Variants in RPL35A observed in about 807,000 individuals in gnomAD.
RPL35A encodes ribosomal protein L35a.
RPL35A carries 1 observed loss-of-function variant against 16.7 expected under a neutral mutation model. The observed-to-expected ratio is 0.06, with a 90% confidence interval of 0.02 to 0.28. RPL35A has a LOEUF of 0.28. RPL35A is among the 10% of genes least tolerant of loss of function. The pLI is 1.00. For synonymous variants in RPL35A, 58 were observed against 47.0 expected, an observed-to-expected ratio of 1.23 and a Z score of -0.96; for missense variants, 91 against 138.7, an observed-to-expected ratio of 0.66 and a Z score of 1.73.
At chr3:197,954,540 C>T in intron 4 of RPL35A, 1 of 326,138 alleles carries the variant, frequency 3.1e-6, no homozygotes, top group South Asian at 2.5e-5. Flanking sequence ...GACAAGGTCT[C>T]ACTTTGTCAC....
chr3:197,955,832 A>G lies in RPL35A; in HGVS notation c.*59A>G. 1 of 1,373,778 alleles carries G rather than the reference A, an allele frequency of 7.3e-7. No homozygotes were observed. The highest frequency in any genetic ancestry group is 1.0e-6 in the Non-Finnish European group (1 of 963,732). The allele number at this position is 1,373,778 out of a possible 1,614,324, so 85.1% of individuals were successfully genotyped here. On this transcript the variant is annotated 3_prime_UTR_variant, in exon 5 of 5. Transcript: ENST00000647248. ...GTGCTCTTGTATTTTTAAGTGGATT[A>G]AAAAACTTACTACCTTAAATTGATT... is the stretch of plus-strand genomic sequence containing the variant.
At chr3:197,955,657 T>C in intron 4 of RPL35A, 93 bp from the exon 5 acceptor site, 2 of 1,114,978 alleles carry the variant, frequency 1.8e-6, no homozygotes, top group East Asian at 2.3e-5. Context: ...ATGTAATTGG[T>C]AGCCTTTCAG....
chr3:197,951,094 G>A (rs1238878998), intron 2 of RPL35A, 65 bp from the exon 3 acceptor site: 4 of 1,608,138 alleles, frequency 2.5e-6, no homozygotes, highest in East Asian at 4.5e-5. Context: ...TTGGGTGGGG[G>A]TGATTACAAG....
intron 4 of RPL35A, chr3:197,954,522 T>G: frequency 5.9e-6 from 2 of 337,012 alleles, no homozygotes; most frequent in Non-Finnish European, 1.1e-5. Flanking sequence ...TTTGTTGTGT[T>G]TTTTTGAGAC....
chr3:197,951,705 T>A (rs1429820041), intron 3 of RPL35A: 1 of 223,730 alleles, frequency 4.5e-6, no homozygotes, highest in African/African-American at 2.3e-5. Context: ...TACTTGGTAT[T>A]GTTTTTTTGT....
Position 197,950,793 on chromosome 3 carries a change from T to C in RPL35A, c.-32-143T>C. The C allele has an allele frequency of 7.2e-6, 5 of 695,082 alleles. No homozygotes were observed. In the Admixed American group the frequency reaches 7.9e-5, roughly 11 times the overall value. The allele number at this position is 695,082 out of a possible 1,614,324, so 43.1% of individuals were successfully genotyped here. A position where few individuals can be genotyped will look rare whatever the true frequency, so the allele number is the denominator to read the frequency against. ...GTCTTGCCGGACCCTGCGTTTCATA[T>C]GGATGTTCTGGCATTGTTGTCCCCG... On this transcript the variant is annotated intron_variant, in intron 1 of 4. Coordinates refer to ENST00000647248, the MANE Select transcript of RPL35A (RefSeq NM_000996.4).
rs140946061 is a variant in RPL35A, at chr3:197,955,956, T to C, written c.*183T>C. The C allele has an allele frequency of 2.3e-4, 142 of 615,704 alleles. No individual in the cohort carries two copies. The East Asian group carries it at 3.9e-3, about 17-fold the overall frequency. The allele number at this position is 615,704 out of a possible 1,614,324, so 38.1% of individuals were successfully genotyped here. On this transcript the variant is annotated 3_prime_UTR_variant, in exon 5 of 5. Transcript: ENST00000647248. ...AAATTACAGGGCGAGTACAGAGATT[T>C]AGAAGGGAACGGGTTTTAATGCGAG...
rs769775044 is a variant in RPL35A, at chr3:197,951,204, G to T, written c.57G>T (p.Arg19=). The stretch of plus-strand genomic sequence containing the variant: ...TTGCTGGCTATAAGCGGGGTCTCCG[G>T]AACCAAAGGGAGCACACAGCTCTTC... ...AIFAGYKRGL[R]NQREHTALLK... Residue 19 remains arginine (R), a synonymous_variant, in exon 3 of 5, where the codon CGG becomes CGT. Coordinates refer to ENST00000647248, the MANE Select transcript of RPL35A (RefSeq NM_000996.4). 1 of 1,614,028 alleles carries T rather than the reference G, an allele frequency of 6.2e-7. No homozygotes were observed. Among genetic ancestry groups the T allele is most frequent in the African/African-American group, 1.3e-5 (1 of 74,910 alleles).
At chr3:197,950,449 G>C in intron 1 of RPL35A, 3 of 605,700 alleles carry the variant, frequency 5.0e-6, no homozygotes, top group Non-Finnish European at 6.8e-6. Context: ...TCCTGGGCCT[G>C]AACGGAGTGA....
At position 197,955,917 on chromosome 3, in the gene RPL35A, G is replaced by A. The variant is rs1269351830; in HGVS notation, c.*144G>A. 4 of 712,618 alleles carry A rather than the reference G, an allele frequency of 5.6e-6. No homozygotes were observed. The highest frequency in any genetic ancestry group is 2.6e-5 in the East Asian group (1 of 38,600). The allele number at this position is 712,618 out of a possible 1,614,324, so 44.1% of individuals were successfully genotyped here. On this transcript the variant is annotated 3_prime_UTR_variant, in exon 5 of 5. Transcript: ENST00000647248. ...ATTTTTGGAGTACAAGGGGGTCAGA[G>A]AGACATGTGATGAAAATTACAGGGC...
At chr3:197,952,173 T>G (rs1004183180) in intron 3 of RPL35A, among the ~76,000 whole-genome samples, 27 of 136,174 alleles carry the variant, frequency 2.0e-4, no homozygotes, top group African/African-American at 6.0e-4. Flanking sequence ...TTTTTTTTTT[T>G]TTTTTTTTTT....
chr3:197,955,273 CTTT>C (rs34024853), intron 4 of RPL35A, among the ~76,000 whole-genome samples: 1 of 143,874 alleles, frequency 7.0e-6, no homozygotes, highest in Non-Finnish European at 1.5e-5. Context: ...TTTTCTTTTT[CTTT>C]TTTTTTTTTT....
chr3:197,951,543 G>A, intron 3 of RPL35A: 1 of 503,878 alleles, frequency 2.0e-6, no homozygotes, highest in Non-Finnish European at 3.6e-6. Context: ...AGTAGAGACA[G>A]GGTATTGCCA....
intron 3 of RPL35A, chr3:197,951,530 A>G: frequency 1.9e-6 from 1 of 520,316 alleles, no homozygotes; most frequent in Non-Finnish European, 3.4e-6. Context: ...TTTTTGTATT[A>G]TTAGTAGAGA....
Position 197,950,844 on chromosome 3 carries a change from A to G in RPL35A, c.-32-92A>G, listed in dbSNP as rs552812197. 48 of 1,185,044 alleles carry G rather than the reference A, an allele frequency of 4.1e-5. No individual in the cohort carries two copies. The African/African-American group carries it at 5.9e-4, about 15-fold the overall frequency. The allele number at this position is 1,185,044 out of a possible 1,614,324, so 73.4% of individuals were successfully genotyped here. A position where few individuals can be genotyped will look rare whatever the true frequency, so the allele number is the denominator to read the frequency against. On this transcript the variant is annotated intron_variant, in intron 1 of 4. Coordinates refer to ENST00000647248, the MANE Select transcript of RPL35A (RefSeq NM_000996.4). ...AACTCCTACATGAAACTCCCATCCA[A>G]AAGGAATTTGCTTTAGGGGCTTAAA...
chr3:197,955,633 C>CT, intron 4 of RPL35A, 117 bp from the exon 5 acceptor site: 3 of 944,590 alleles, frequency 3.2e-6, no homozygotes. Context: ...AAAAACTTTC[C>CT]TTACCACTAG....
At chr3:197,952,367 A>C (rs575896286) in intron 3 of RPL35A, among the ~76,000 whole-genome samples, 1 of 151,364 alleles carries the variant, frequency 6.6e-6, no homozygotes, top group South Asian at 2.1e-4. Flanking sequence ...ATGGGGTTTC[A>C]CCATTTTGGC....
At chr3:197,953,387 A>G in intron 3 of RPL35A, 1 of 455,728 alleles carries the variant, frequency 2.2e-6, no homozygotes, top group South Asian at 1.5e-5. Flanking sequence ...TAAAGGAAAT[A>G]TATATAAAGT....
At position 197,953,987 on chromosome 3, in the gene RPL35A, C is replaced by A. The variant is rs373782117; in HGVS notation, c.165-16C>A. 741 of 1,612,088 alleles carry A rather than the reference C, an allele frequency of 4.6e-4. 1 individual carries two copies. Among genetic ancestry groups the A allele is most frequent in the Non-Finnish European group, 5.5e-4 (651 of 1,179,772 alleles). On this transcript the variant is annotated splice_polypyrimidine_tract_variant and intron_variant, in intron 3 of 4. Transcript: ENST00000647248. Reference sequence around the variant, plus strand: ...ATATCAGCTTGTATTCCTCTTCTTTCCCTTTTTAAAATCAGCAACACAGTC... The same window carrying A: ...ATATCAGCTTGTATTCCTCTTCTTTACCTTTTTAAAATCAGCAACACAGTC...
Sources: allele counts gnomAD v4.1 joint callset (sites outside exome capture counted in the v4.1 genomes callset), GRCh38; gene constraint gnomAD v4.1.1; transcripts MANE v1.5; gene names NCBI Gene and HGNC (gene_info 2026-07-23, HGNC 2026-07-21).